The following PPHLN1 variants were observed in gnomAD, a reference collection of about 807,000 sequenced individuals.
PPHLN1 encodes periphilin-1.
Under a neutral mutation model 51.3 loss-of-function variants are expected in PPHLN1, and 29 were observed. The ratio of observed to expected loss-of-function variants is 0.57; its 90% CI spans 0.42 to 0.77. The LOEUF (loss-of-function observed/expected upper bound fraction) is 0.77. PPHLN1 is among the 30% of genes least tolerant of loss of function. The pLI is 0.00. For missense variants in PPHLN1, 436 were observed against 438.4 expected, an observed-to-expected ratio of 0.99 and a Z score of 0.05; for synonymous variants, 147 against 147.8, an observed-to-expected ratio of 0.99 and a Z score of 0.04.
chr12:42,381,514 T>G (rs144802566), intron 5 of PPHLN1, among the ~76,000 whole-genome samples: 3 of 152,312 alleles, frequency 2.0e-5, no homozygotes, highest in African/African-American at 7.2e-5. Flanking sequence ...GCCTTTGCTT[T>G]AAGTTGTTGC....
intron 8 of PPHLN1, among the ~76,000 whole-genome samples, chr12:42,394,977 C>T (rs1000009284): frequency 6.6e-6 from 1 of 152,040 alleles, no homozygotes; most frequent in Non-Finnish European, 1.5e-5. Flanking sequence ...ATTAACAAGG[C>T]TTTATTAATT....
At position 42,441,443 on chromosome 12, in the gene PPHLN1, T is replaced by G. The variant is rs768474656; in HGVS notation, c.1038T>G (p.Val346=). ...QNLHEIGERC[V]EELKHFIAEY... ...TACATGAAATAGGTGAGCGGTGTGTTGAAGAACTCAAGCATTTCATTGCAG... is the reference window on the plus strand; with the variant it reads ...TACATGAAATAGGTGAGCGGTGTGTGGAAGAACTCAAGCATTTCATTGCAG... Residue 346 remains valine, a synonymous_variant, in exon 10 of 10, where the codon GTT becomes GTG. Coordinates refer to ENST00000358314, the MANE Select transcript of PPHLN1 (RefSeq NM_201439.2). The G allele has an allele frequency of 6.2e-7, 1 of 1,613,748 alleles. No individual in the cohort carries two copies. The highest frequency in any genetic ancestry group is 1.1e-5 in the South Asian group (1 of 91,078).
chr12:42,328,559 C>T (rs1456896614), intron 1 of PPHLN1, among the ~76,000 whole-genome samples: 1 of 152,116 alleles, frequency 6.6e-6, no homozygotes, highest in Non-Finnish European at 1.5e-5. Flanking sequence ...TTTTTGTTTA[C>T]TTGTGTAATT....
chr12:42,446,658 C>G (rs181703967), downstream of PPHLN1: 1 of 1,591,048 alleles, frequency 6.3e-7, no homozygotes, highest in East Asian at 2.2e-5. Context: ...CACATCTGTA[C>G]TCGTCAATCA....
intron 2 of PPHLN1, among the ~76,000 whole-genome samples, chr12:42,342,102 A>G (rs2071597115): frequency 6.7e-6 from 1 of 148,228 alleles, no homozygotes; most frequent in Non-Finnish European, 1.5e-5. Flanking sequence ...GTCACCACAG[A>G]ATATCTACAC....
intron 5 of PPHLN1, among the ~76,000 whole-genome samples, chr12:42,379,252 A>G (rs2076563418): frequency 6.6e-6 from 1 of 151,988 alleles, no homozygotes; most frequent in African/African-American, 2.4e-5. Flanking sequence ...TTAAACTGTT[A>G]GTATTTCTTT....
downstream of PPHLN1, chr12:42,445,195 A>G: frequency 1.4e-6 from 1 of 696,038 alleles, no homozygotes; most frequent in Non-Finnish European, 2.6e-6. Context: ...CCACTGGCTT[A>G]TGGCAATGAT....
At chr12:42,401,906 G>A (rs1240688874) in intron 9 of PPHLN1, among the ~76,000 whole-genome samples, 1 of 152,032 alleles carries the variant, frequency 6.6e-6, no homozygotes, top group Admixed American at 6.5e-5. Flanking sequence ...CCATGCTGGA[G>A]TGCAGTGGCA....
chr12:42,361,084 C>T (rs965137811), intron 4 of PPHLN1, among the ~76,000 whole-genome samples: 64 of 152,126 alleles, frequency 4.2e-4, no homozygotes, highest in Admixed American at 2.7e-3. Flanking sequence ...AACCTTAGCC[C>T]CCCATTATGA....
intron 3 of PPHLN1, among the ~76,000 whole-genome samples, chr12:42,352,428 G>C (rs879279047): frequency 9.7e-6 from 1 of 103,042 alleles, no homozygotes; most frequent in Admixed American, 1.1e-4. Flanking sequence ...TTTTTTTTTT[G>C]AGACAGAGTC....
chr12:42,382,329 A>G (rs868056052), intron 5 of PPHLN1, among the ~76,000 whole-genome samples: 1 of 151,930 alleles, frequency 6.6e-6, no homozygotes, highest in Non-Finnish European at 1.5e-5. Context: ...CTTTTTTTCC[A>G]TTTATTCTTT....
At chr12:42,432,931 C>G in intron 9 of PPHLN1, 2 of 1,218,326 alleles carry the variant, frequency 1.6e-6, no homozygotes, top group Non-Finnish European at 2.4e-6. Flanking sequence ...GTGTCATTAG[C>G]TGTGTTGTTT....
intron 8 of PPHLN1, among the ~76,000 whole-genome samples, chr12:42,397,207 A>G (rs2139263032): frequency 6.6e-6 from 1 of 152,302 alleles, no homozygotes; most frequent in Middle Eastern, 3.4e-3. Flanking sequence ...CTCTCTTTCA[A>G]ATTTATACTC....
At chr12:42,425,626 A>T (rs910636042) in intron 9 of PPHLN1, among the ~76,000 whole-genome samples, 12 of 151,234 alleles carry the variant, frequency 7.9e-5, no homozygotes, top group Non-Finnish European at 1.5e-4. Flanking sequence ...TGACCTTGTG[A>T]TCCACCTGCC....
chr12:42,395,105 T>G (rs559566781), intron 8 of PPHLN1, among the ~76,000 whole-genome samples: 77 of 152,208 alleles, frequency 5.1e-4, no homozygotes, highest in African/African-American at 1.7e-3. Flanking sequence ...TCTCATTTCT[T>G]GAATGCATCT....
chr12:42,362,621 C>A (rs915354718), intron 4 of PPHLN1, among the ~76,000 whole-genome samples: 1 of 152,218 alleles, frequency 6.6e-6, no homozygotes, highest in African/African-American at 2.4e-5. Flanking sequence ...AGCTAAGAAT[C>A]TGAACACACA....
At chr12:42,349,783 A>G (rs888846522) in intron 2 of PPHLN1, among the ~76,000 whole-genome samples, 3 of 152,138 alleles carry the variant, frequency 2.0e-5, no homozygotes, top group African/African-American at 7.2e-5. Flanking sequence ...ACAGAACAAA[A>G]TGGAGTCTCC....
At chr12:42,446,800 G>A (rs902894142), downstream of PPHLN1, 4 of 603,434 alleles carry the variant, frequency 6.6e-6, no homozygotes, top group Admixed American at 6.3e-5. Flanking sequence ...TAAAGCTGAA[G>A]GCAGCTTTAT....
intron 1 of PPHLN1, among the ~76,000 whole-genome samples, chr12:42,333,093 A>G (rs1203611654): frequency 1.3e-5 from 2 of 152,174 alleles, no homozygotes; most frequent in African/African-American, 2.4e-5. Context: ...GTACATATGC[A>G]TATATATTCA....
Sources: allele counts gnomAD v4.1 joint callset (sites outside exome capture counted in the v4.1 genomes callset), GRCh38; gene constraint gnomAD v4.1.1; transcripts MANE v1.5; gene names NCBI Gene and HGNC (gene_info 2026-07-23, HGNC 2026-07-21).